CCDC27: variants seen among roughly 807,000 people sequenced by gnomAD.
The protein encoded by CCDC27 is coiled-coil domain-containing protein 27.
Under a neutral mutation model 80.3 loss-of-function variants are expected in CCDC27, and 80 were observed. The ratio of observed to expected loss-of-function variants is 1.00; its 90% CI spans 0.83 to 1.20. CCDC27 has a LOEUF of 1.20. CCDC27 is among the 50% of genes most tolerant of loss of function. The pLI is 0.00. For synonymous variants in CCDC27, 342 were observed against 334.3 expected (o/e 1.02, Z -0.25); for missense variants, 815 against 809.4 (o/e 1.01, Z -0.08).
In CCDC27 at chr1:3,763,909, G is replaced by C. The variant is rs1047730811; in HGVS notation, c.1452+73G>C. ...AGGCTTCATTAACCCCCGGCAGCTC[G>C]GGGCAGGCGCTGCCCGTCCCATCTA... On this transcript the variant is annotated intron_variant, in intron 8 of 11. Transcript: ENST00000294600. The surrounding 1 kb of genome is among the most constrained non-coding windows in gnomAD (Gnocchi z 7.5). 6.4e-7 allele frequency: 1 copy of C among 1,563,520 alleles called. No individual in the cohort carries two copies. Among genetic ancestry groups the C allele is most frequent in the East Asian group, 2.3e-5 (1 of 43,608 alleles).
At chr1:3,758,706 C>G (rs1408200758) in intron 4 of CCDC27, among the ~76,000 whole-genome samples, 1 of 152,220 alleles carries the variant, frequency 6.6e-6, no homozygotes, top group East Asian at 1.9e-4. Context: ...AGCAATCTTC[C>G]CACCTCAGCC....
chr1:3,763,040 G>C lies in CCDC27; in HGVS notation c.955-68G>C. ...GCCCTCCCCGGTGCCCCCGCCATGA[G>C]CATTAGAGCCCTCTGCCCTGGGGGT... is the stretch of plus-strand genomic sequence containing the variant. On this transcript the variant is annotated intron_variant, in intron 6 of 11. Coordinates refer to ENST00000294600, the MANE Select transcript of CCDC27 (RefSeq NM_152492.3). This position sits in a 1 kb window ranked among gnomAD's most constrained non-coding sequence, Gnocchi z 7.5. 1 of 1,436,090 alleles carries C rather than the reference G, an allele frequency of 7.0e-7. No individual in the cohort carries two copies. Among genetic ancestry groups the C allele is most frequent in the South Asian group, 1.5e-5 (1 of 66,154 alleles). 89.0% of individuals were successfully genotyped at this position (1,436,090 alleles called of 1,614,324 possible). A position where few individuals can be genotyped will look rare whatever the true frequency, so the allele number is the denominator to read the frequency against.
chr1:3,761,487 G>A lies in CCDC27; in HGVS notation c.861+57G>A, dbSNP rs1157784915. On this transcript the variant is annotated intron_variant, in intron 5 of 11. Transcript: ENST00000294600. This position sits in a 1 kb window ranked among gnomAD's most constrained non-coding sequence, Gnocchi z 5.0. ...GCTCTAAGACGGTTGTTTTCAAAGC[G>A]TCCAAAGCTGCTAGTGACACACAGG... The A allele has an allele frequency of 7.6e-6, 12 of 1,572,650 alleles. No homozygotes were observed. Among genetic ancestry groups the A allele is most frequent in the Middle Eastern group, 2.3e-4 (1 of 4,398 alleles).
At position 3,756,845 on chromosome 1, in the gene CCDC27, C is replaced by A. The variant is rs778241144; in HGVS notation, c.666C>A (p.Cys222Ter). Residue 222 changes from cysteine to a stop codon, truncating the protein, a stop_gained, in exon 4 of 12, where the codon TGC (cysteine) becomes TGA (stop). Coordinates refer to ENST00000294600, the MANE Select transcript of CCDC27 (RefSeq NM_152492.3). LOFTEE classifies it high-confidence loss of function. ...VTSSSVASQS[C>*]LRKRMPWYLS... ...GCAGCTCAGTCGCATCTCAGAGCTG[C>A]CTGAGAAAGAGGATGCCCTGGTACC... The A allele has an allele frequency of 1.4e-5, 23 of 1,613,760 alleles. No individual in the cohort carries two copies. The East Asian group carries it at 4.7e-4, about 33-fold the overall frequency.
chr1:3,757,868 G>A (rs1188355990), intron 4 of CCDC27, among the ~76,000 whole-genome samples: 1 of 150,778 alleles, frequency 6.6e-6, no homozygotes, highest in South Asian at 2.1e-4. Flanking sequence ...CTTGCAGTGT[G>A]CTGAGATCGC....
rs577914879 is a variant in CCDC27, at chr1:3,768,712, C to T, written c.1744-1071C>T. ...CTGAGAAATATTGTGAAGCTAAGTC[C>T]GGGTGAGCAGGAACTAGCGCCAAGC... On this transcript the variant is annotated intron_variant, in intron 10 of 11. Coordinates refer to ENST00000294600, the MANE Select transcript of CCDC27 (RefSeq NM_152492.3). This position sits in a 1 kb window ranked among gnomAD's most constrained non-coding sequence, Gnocchi z 5.6. 1.1e-3 allele frequency among the ~76,000 whole-genome samples: 167 copies of T among 152,254 alleles called. 2 individuals carry two copies. Among genetic ancestry groups the T allele is most frequent in the Non-Finnish European group, 1.7e-3 (115 of 68,026 alleles).
rs530287204 is a variant in CCDC27 at position 3,763,547 on chromosome 1, C to G, written c.1321+73C>G. 6.5e-7 allele frequency: 1 copy of G among 1,546,864 alleles called. No homozygotes were observed. Among genetic ancestry groups the G allele is most frequent in the Admixed American group, 1.9e-5 (1 of 53,306 alleles). ...CGGCCCAGGAGCTGGGACGCCCAGA[C>G]GCTGCCTGCTCTGGTCAGTGAGCTG... On this transcript the variant is annotated intron_variant, in intron 7 of 11. Coordinates refer to ENST00000294600, the MANE Select transcript of CCDC27 (RefSeq NM_152492.3). This position sits in a 1 kb window ranked among gnomAD's most constrained non-coding sequence, Gnocchi z 7.5.
intron 9 of CCDC27, among the ~76,000 whole-genome samples, chr1:3,767,016 T>C (rs1341975211): frequency 6.6e-6 from 1 of 152,066 alleles, no homozygotes; most frequent in African/African-American, 2.4e-5. Flanking sequence ...AATTTTTGTA[T>C]TTTTAGTAGA....
rs1434359180 is a variant in CCDC27 at position 3,761,414 on chromosome 1, T to A, written c.845T>A (p.Met282Lys). Reference protein sequence around the residue: ...LLKGKGQETSMSPGRREQLSD... With the variant: ...LLKGKGQETSKSPGRREQLSD... ...AAAGGCAAAGGCCAAGAGACATCCA[T>A]GTCCCCAGGCAGGAGGGTGAGCCAG... Residue 282 changes from methionine (M) to lysine (K), a missense_variant, in exon 5 of 12, where the codon ATG (methionine) becomes AAG (lysine). Coordinates refer to ENST00000294600, the MANE Select transcript of CCDC27 (RefSeq NM_152492.3). This position sits in a 1 kb window ranked among gnomAD's most constrained non-coding sequence, Gnocchi z 5.0. 3.6e-5 allele frequency: 58 copies of A among 1,613,726 alleles called. No homozygotes were observed. Among genetic ancestry groups the A allele is most frequent in the Non-Finnish European group, 4.7e-5 (55 of 1,179,990 alleles).
In CCDC27 at chr1:3,760,289, T is replaced by C. The variant is rs982503834; in HGVS notation, c.712-992T>C. ...CCCATGTACTTTTCCATTCCCCAAA[T>C]GTTAAATGTGGCCACGTTTGCTTTA... On this transcript the variant is annotated intron_variant, in intron 4 of 11. Transcript: ENST00000294600. The surrounding 1 kb of genome is among the most constrained non-coding windows in gnomAD (Gnocchi z 4.3). 3.3e-5 allele frequency among the ~76,000 whole-genome samples: 5 copies of C among 152,166 alleles called. No homozygotes were observed. The highest frequency in any genetic ancestry group is 9.7e-5 in the African/African-American group (4 of 41,432).
intron 2 of CCDC27, among the ~76,000 whole-genome samples, chr1:3,754,966 G>A (rs1304857607): frequency 2.0e-5 from 3 of 152,028 alleles, no homozygotes; most frequent in Admixed American, 6.5e-5. Context: ...GGGTCTCCAC[G>A]GTGGCCAGGG....
intron 1 of CCDC27, among the ~76,000 whole-genome samples, chr1:3,753,215 C>G (rs1642865783): frequency 6.6e-6 from 1 of 152,186 alleles, no homozygotes; most frequent in Non-Finnish European, 1.5e-5. Flanking sequence ...TACGCTGTGC[C>G]ACCGTGTACT....
Position 3,761,056 on chromosome 1 carries a change from C to T in CCDC27, c.712-225C>T, listed in dbSNP as rs546163578. ...TCTGTTCTTAGGATGGGTGCAGAGGCGCTGGAGGTGCCAGGCATGGCTGCA... is the reference window on the plus strand; with the variant it reads ...TCTGTTCTTAGGATGGGTGCAGAGGTGCTGGAGGTGCCAGGCATGGCTGCA... On this transcript the variant is annotated intron_variant, in intron 4 of 11. Transcript: ENST00000294600. This position sits in a 1 kb window ranked among gnomAD's most constrained non-coding sequence, Gnocchi z 5.0. Among the ~76,000 whole-genome samples the T allele has an allele frequency of 2.6e-5, 4 of 152,292 alleles. No homozygotes were observed. The highest frequency in any genetic ancestry group is 1.9e-4 in the East Asian group (1 of 5,182).
Position 3,760,111 on chromosome 1 carries a change from C to T in CCDC27, c.712-1170C>T, listed in dbSNP as rs900507730. Among the ~76,000 whole-genome samples the T allele has an allele frequency of 7.9e-5, 12 of 152,198 alleles. No homozygotes were observed. Among genetic ancestry groups the T allele is most frequent in the African/African-American group, 9.7e-5 (4 of 41,428 alleles). On this transcript the variant is annotated intron_variant, in intron 4 of 11. Transcript: ENST00000294600. This position sits in a 1 kb window ranked among gnomAD's most constrained non-coding sequence, Gnocchi z 4.3. ...GAACTCGGCAGCTCTAACAGGAAAT[C>T]GGATCTCCCTTCCAGCAGTCCTTGC...
At chr1:3,764,511 G>A (rs933263013) in intron 8 of CCDC27, among the ~76,000 whole-genome samples, 1 of 151,924 alleles carries the variant, frequency 6.6e-6, no homozygotes, top group African/African-American at 2.4e-5. Context: ...ACACACAAGG[G>A]CAGCCTTTCC....
chr1:3,757,878 C>T lies in CCDC27; in HGVS notation c.711+988C>T, dbSNP rs537710967. Among the ~76,000 whole-genome samples, 348 of 149,824 alleles carry T rather than the reference C, an allele frequency of 2.3e-3. 1 individual carries two copies. Among genetic ancestry groups the T allele is most frequent in the African/African-American group, 7.2e-3 (292 of 40,708 alleles). On this transcript the variant is annotated intron_variant, in intron 4 of 11. Transcript: ENST00000294600. ...CGGAGCTTGCAGTGTGCTGAGATCG[C>T]GCCACTGCACTCCAGCCTGGGTGAC...
At chr1:3,754,014 T>C in intron 1 of CCDC27, 104 bp from the exon 2 acceptor site, 3 of 1,503,140 alleles carry the variant, frequency 2.0e-6, no homozygotes, top group Non-Finnish European at 2.7e-6. Context: ...GCACCTGCCA[T>C]TGGGGCGATT....
At chr1:3,771,327 GA>G in intron 11 of CCDC27, 73 bp from the exon 12 acceptor site, 1 of 1,600,740 alleles carries the variant, frequency 6.2e-7, no homozygotes, top group Non-Finnish European at 8.5e-7. Context: ...AGCTGGCACG[GA>G]CTGTGCAGAC....
In CCDC27 at chr1:3,761,164, TG is replaced by T; in HGVS notation, c.712-113del. On this transcript the variant is annotated intron_variant, in intron 4 of 11. Coordinates refer to ENST00000294600, the MANE Select transcript of CCDC27 (RefSeq NM_152492.3). This position sits in a 1 kb window ranked among gnomAD's most constrained non-coding sequence, Gnocchi z 5.0. ...ACCTATCTTGAAATCCCTGGGACCC[TG>T]GGGTTTTGGGGTACCACGACAGCAG... The T allele has an allele frequency of 1.6e-6, 2 of 1,218,658 alleles. No homozygotes were observed. The highest frequency in any genetic ancestry group is 2.4e-5 in the East Asian group (1 of 42,382). 75.5% of individuals were successfully genotyped at this position (1,218,658 alleles called of 1,614,324 possible).
Sources: allele counts gnomAD v4.1 joint callset (sites outside exome capture counted in the v4.1 genomes callset), GRCh38; gene constraint gnomAD v4.1.1; non-coding constraint Gnocchi (gnomAD v3.1); transcripts MANE v1.5; gene names NCBI Gene and HGNC (gene_info 2026-07-23, HGNC 2026-07-21).